Variants in CTBS observed in about 807,000 individuals in gnomAD.
The protein encoded by CTBS is di-N-acetylchitobiase.
CTBS carries 35 observed loss-of-function variants against 44.3 expected under a neutral mutation model. The observed-to-expected ratio is 0.79, with a 90% CI of 0.60 to 1.05. The LOEUF (loss-of-function observed/expected upper bound fraction) is 1.05. CTBS is among the 50% of genes least tolerant of loss of function. CTBS has a pLI of 0.00. For missense variants in CTBS, 458 were observed against 475.3 expected (o/e 0.96, Z 0.34); for synonymous variants, 143 against 168.0 (o/e 0.85, Z 1.15).
intron 3 of CTBS, chr1:84,566,248 C>T (rs1212328183): frequency 4.9e-6 from 1 of 204,608 alleles, no homozygotes; most frequent in African/African-American, 2.3e-5. Flanking sequence ...GAGCAAGACA[C>T]TATATAGAAG....
intron 6 of CTBS, among the ~76,000 whole-genome samples, chr1:84,560,398 C>CAAG (rs1684569125): frequency 6.6e-6 from 1 of 152,188 alleles, no homozygotes; most frequent in Admixed American, 6.5e-5. Flanking sequence ...TTTTCCCACT[C>CAAG]AGTCTGTTTG....
In CTBS at chr1:84,574,163, C is replaced by G. The variant is rs1294129095; in HGVS notation, c.177+76G>C. 5 of 1,555,718 alleles carry G rather than the reference C, an allele frequency of 3.2e-6. No individual in the cohort carries two copies. In the South Asian group the frequency reaches 5.9e-5, roughly 18 times the overall value. ...GGTTTCGGCGCCCACGGCACCTCTC[C>G]TTAGGGCTCCGTTCTACCCTAACTT... is the stretch of plus-strand genomic sequence containing the variant. On this transcript the variant is annotated intron_variant, in intron 1 of 6. Coordinates refer to ENST00000370630, the MANE Select transcript of CTBS (RefSeq NM_004388.3).
intron 4 of CTBS, among the ~76,000 whole-genome samples, chr1:84,564,739 A>G (rs776043984): frequency 4.6e-5 from 7 of 152,090 alleles, no homozygotes; most frequent in Non-Finnish European, 7.4e-5. Context: ...AGAATAAGTT[A>G]TTTTTCAACT....
At chr1:84,572,284 T>C (rs762303547) in intron 1 of CTBS, among the ~76,000 whole-genome samples, 19 of 152,276 alleles carry the variant, frequency 1.2e-4, no homozygotes, top group African/African-American at 4.3e-4. Flanking sequence ...TGCTAAGCAA[T>C]TGCCTACTGA....
rs1312464088 is a variant in CTBS, at chr1:84,553,776, G to A, written c.*1223C>T. The A allele has an allele frequency of 6.6e-6, 1 of 152,024 alleles. No individual in the cohort carries two copies. The highest frequency in any genetic ancestry group is 1.5e-5 in the Non-Finnish European group (1 of 67,992). The allele number at this position is 152,024 out of a possible 1,614,324, so 9.4% of individuals were successfully genotyped here. ...AATCATCATGTATTCCAATTTACAG[G>A]GGCAAAATGTGCAGGGAAGCCAGGA... On this transcript the variant is annotated 3_prime_UTR_variant, in exon 7 of 7. Transcript: ENST00000370630.
Position 84,560,063 on chromosome 1 carries a change from G to A in CTBS, c.957+3194C>T, listed in dbSNP as rs1187164088. On this transcript the variant is annotated intron_variant, in intron 6 of 6. Coordinates refer to ENST00000370630, the MANE Select transcript of CTBS (RefSeq NM_004388.3). ...GGCGCCACTGCACTACAGCCTGGGCGACAGAGCAAGACTCTGTCTCAAAAA... is the reference window on the plus strand; with the variant it reads ...GGCGCCACTGCACTACAGCCTGGGCAACAGAGCAAGACTCTGTCTCAAAAA... 1.4e-4 allele frequency among the ~76,000 whole-genome samples: 19 copies of A among 139,926 alleles called. No individual in the cohort carries two copies. The East Asian group carries it at 1.8e-3, about 13-fold the overall frequency. The allele number at this position is 139,926 out of a possible 152,430, so 91.8% of individuals were successfully genotyped here. A position where few individuals can be genotyped will look rare whatever the true frequency, so the allele number is the denominator to read the frequency against.
chr1:84,551,778 CTG>C lies in CTBS; in HGVS notation c.*3219_*3220del, dbSNP rs1684280343. The C allele has an allele frequency of 6.6e-6, 1 of 152,100 alleles. No individual in the cohort carries two copies. Among genetic ancestry groups the C allele is most frequent in the Non-Finnish European group, 1.5e-5 (1 of 67,994 alleles). The allele number at this position is 152,100 out of a possible 1,614,324, so 9.4% of individuals were successfully genotyped here. A position where few individuals can be genotyped will look rare whatever the true frequency, so the allele number is the denominator to read the frequency against. On this transcript the variant is annotated 3_prime_UTR_variant, in exon 7 of 7. Coordinates refer to ENST00000370630, the MANE Select transcript of CTBS (RefSeq NM_004388.3). ...AAATAATTTGTTCAATGAAGGAAAA[CTG>C]TCTATTCAATATATGGAGATAAAGC... is the stretch of plus-strand genomic sequence containing the variant.
intron 1 of CTBS, among the ~76,000 whole-genome samples, chr1:84,572,749 T>TTCCGCCTCCCGC (rs200770436): frequency 0.018 from 2,686 of 151,846 alleles, 39 homozygotes; most frequent in Non-Finnish European, 0.023. Flanking sequence ...AACTGCAACC[T>TTCCGCCTCCCGC]TCCGCCTCCC....
chr1:84,563,863 G>A (rs369911180), intron 4 of CTBS, 31 bp from the exon 5 acceptor site: 2 of 1,590,428 alleles, frequency 1.3e-6, no homozygotes, highest in East Asian at 2.3e-5. Context: ...AAGCATATTT[G>A]TTTCTCTTCA....
rs544840490 is a variant in CTBS, at chr1:84,574,158, C to T, written c.177+81G>A. 3.1e-4 allele frequency: 478 copies of T among 1,546,188 alleles called. 1 individual carries two copies. The African/African-American group carries it at 4.0e-3, about 13-fold the overall frequency. On this transcript the variant is annotated intron_variant, in intron 1 of 6. Transcript: ENST00000370630. ...AAGCTGGTTTCGGCGCCCACGGCAC[C>T]TCTCCTTAGGGCTCCGTTCTACCCT...
At chr1:84,569,901 G>A in intron 3 of CTBS, 30 bp downstream of exon 3, 2 of 1,551,714 alleles carry the variant, frequency 1.3e-6, no homozygotes, top group Non-Finnish European at 1.8e-6. Context: ...TGGAAAATAT[G>A]AGGTTTCCAA....
chr1:84,558,546 C>T (rs1444437095), intron 6 of CTBS, among the ~76,000 whole-genome samples: 1 of 151,212 alleles, frequency 6.6e-6, no homozygotes, highest in African/African-American at 2.4e-5. Context: ...CCGCCTCAGC[C>T]TCCCAAAGTG....
chr1:84,574,409 G>C lies in CTBS; in HGVS notation c.7C>G (p.Arg3Gly), dbSNP rs893177818. 7 of 1,548,888 alleles carry C rather than the reference G, an allele frequency of 4.5e-6. No homozygotes were observed. Among genetic ancestry groups the C allele is most frequent in the South Asian group, 3.6e-5 (3 of 83,802 alleles). MS[R>G]PQLRRWRLVS... ...AGGCGCCAGCGTCGAAGCTGCGGCCGGGACATAGCAGCAGGTCTAGCGGGC... is the reference window on the plus strand; with the variant it reads ...AGGCGCCAGCGTCGAAGCTGCGGCCCGGACATAGCAGCAGGTCTAGCGGGC... Residue 3 changes from arginine to glycine, a missense_variant, in exon 1 of 7, where the codon CGG becomes GGG. Physicochemically the swap from Arg to Gly is moderately radical, Grantham distance 125. Coordinates refer to ENST00000370630, the MANE Select transcript of CTBS (RefSeq NM_004388.3).
At chr1:84,563,492 A>C in intron 5 of CTBS, 74 bp from the exon 6 acceptor site, 1 of 1,061,854 alleles carries the variant, frequency 9.4e-7, no homozygotes, top group Non-Finnish European at 1.3e-6. Flanking sequence ...AAAATATATA[A>C]ATTATTTAGA....
At position 84,553,159 on chromosome 1, in the gene CTBS, T is replaced by A; in HGVS notation, c.*1840A>T. ...TTTAAAACTTTTATTTGTAAAAAAATTTAAATATGTATTTGAACAGATTTG... is the reference window on the plus strand; with the variant it reads ...TTTAAAACTTTTATTTGTAAAAAAAATTAAATATGTATTTGAACAGATTTG... On this transcript the variant is annotated 3_prime_UTR_variant, in exon 7 of 7. Transcript: ENST00000370630. The A allele has an allele frequency of 1.7e-6, 2 of 1,199,630 alleles. No homozygotes were observed. The highest frequency in any genetic ancestry group is 1.5e-5 in the South Asian group (1 of 67,484). 74.3% of individuals were successfully genotyped at this position (1,199,630 alleles called of 1,614,324 possible). A position where few individuals can be genotyped will look rare whatever the true frequency, so the allele number is the denominator to read the frequency against.
At chr1:84,562,639 T>C (rs1684616530) in intron 6 of CTBS, among the ~76,000 whole-genome samples, 1 of 147,604 alleles carries the variant, frequency 6.8e-6, no homozygotes, top group African/African-American at 2.7e-5. Context: ...TTATGAAAAC[T>C]GTAACTTTTC....
intron 3 of CTBS, 76 bp from the exon 4 acceptor site, chr1:84,566,088 TA>T: frequency 1.1e-6 from 1 of 895,994 alleles, no homozygotes; most frequent in South Asian, 4.0e-5. Flanking sequence ...AAATTATATA[TA>T]TTTTTTACCT....
rs1647245038 is a variant in CTBS, at chr1:84,569,869, C to A, written c.525+62G>T. 5 of 1,300,878 alleles carry A rather than the reference C, an allele frequency of 3.8e-6. No individual in the cohort carries two copies. In the African/African-American group the frequency reaches 4.5e-5, roughly 12 times the overall value. 80.6% of individuals were successfully genotyped at this position (1,300,878 alleles called of 1,614,324 possible). A position where few individuals can be genotyped will look rare whatever the true frequency, so the allele number is the denominator to read the frequency against. ...TAAAACAAAGATTATATTAGTTATA[C>A]CCTCATGAGTATATTCTGATATGGA... On this transcript the variant is annotated intron_variant, in intron 3 of 6. Transcript: ENST00000370630.
Position 84,574,317 on chromosome 1 carries a change from C to T in CTBS, c.99G>A (p.Leu33=). ...GGCAGTCGGTCCCGGCCGCGAGCCG[C>T]AGCGCCAGCAGCGCCAGCAGCGCCA... ...ALLALLALLA[L]RLAAGTDCPC... Residue 33 remains leucine (L), a synonymous_variant, in exon 1 of 7, where the codon CTG becomes CTA. Coordinates refer to ENST00000370630, the MANE Select transcript of CTBS (RefSeq NM_004388.3). 1.2e-6 allele frequency: 1 copy of T among 804,020 alleles called. No individual in the cohort carries two copies. Among genetic ancestry groups the T allele is most frequent in the Non-Finnish European group, 1.6e-6 (1 of 612,442 alleles). The allele number at this position is 804,020 out of a possible 1,614,324, so 49.8% of individuals were successfully genotyped here.
Sources: gnomAD v4.1 joint callset for allele counts (sites outside exome capture counted in the v4.1 genomes callset) on GRCh38, gnomAD v4.1.1 for gene constraint, MANE v1.5 for transcripts, NCBI Gene and HGNC (gene_info 2026-07-23, HGNC 2026-07-21) for gene names.